UVRAG: variants seen among roughly 807,000 people sequenced by gnomAD.
The protein encoded by UVRAG is UV radiation resistance-associated gene protein.
In UVRAG, 19 loss-of-function variants were observed where a neutral mutation model predicts 78.0. The observed-to-expected ratio is 0.24, with a 90% CI of 0.17 to 0.36. The LOEUF (loss-of-function observed/expected upper bound fraction) is 0.36, where lower values mean the gene tolerates loss of function less well. Among genes scored for constraint, UVRAG ranks in the 10% least tolerant of loss-of-function variants. The pLI is 1.00. For synonymous variants in UVRAG, 323 were observed against 324.6 expected (o/e 1.00, Z 0.05); for missense variants, 740 against 853.8 (o/e 0.87, Z 1.66).
intron 12 of UVRAG, among the ~76,000 whole-genome samples, chr11:76,042,553 C>CT (rs1364653309): frequency 6.6e-6 from 1 of 152,058 alleles, no homozygotes; most frequent in Non-Finnish European, 1.5e-5. Flanking sequence ...CTACAATTGG[C>CT]TTTTTACTAA....
intron 2 of UVRAG, among the ~76,000 whole-genome samples, chr11:75,859,130 T>A (rs752405260): frequency 2.3e-4 from 35 of 152,218 alleles, no homozygotes; most frequent in Non-Finnish European, 2.4e-4. Context: ...ATCCCAGCAC[T>A]TTGGGAGGCC....
chr11:76,006,660 CAAAAAAAAAAAAAA>C (rs762221601), intron 9 of UVRAG, among the ~76,000 whole-genome samples: 58 of 62,350 alleles, frequency 9.3e-4, no homozygotes, highest in Admixed American at 1.8e-3. Flanking sequence ...GACCCCGTCT[CAAAAAAAAAAAAAA>C]AAAAAAAAAA....
intron 3 of UVRAG, among the ~76,000 whole-genome samples, chr11:75,863,168 A>G (rs551259082): frequency 6.6e-6 from 1 of 152,348 alleles, no homozygotes; most frequent in South Asian, 2.1e-4. Flanking sequence ...TCTAGGCCAG[A>G]CAGTTCCTTG....
chr11:76,011,157 C>T (rs1950043559), intron 11 of UVRAG, among the ~76,000 whole-genome samples: 1 of 152,162 alleles, frequency 6.6e-6, no homozygotes, highest in African/African-American at 2.4e-5. Flanking sequence ...AATACAGTCT[C>T]CCTACCCTTT....
chr11:75,967,676 A>G (rs952284304), intron 7 of UVRAG, among the ~76,000 whole-genome samples: 4 of 152,340 alleles, frequency 2.6e-5, no homozygotes, highest in Non-Finnish European at 5.9e-5. Context: ...AAAAGGTTTA[A>G]TTAGCATTAC....
chr11:76,114,734 T>C (rs1181832269), intron 13 of UVRAG, among the ~76,000 whole-genome samples: 1 of 152,236 alleles, frequency 6.6e-6, no homozygotes, highest in African/African-American at 2.4e-5. Flanking sequence ...AGTTGAATTC[T>C]AGAGTCAAAC....
At chr11:75,862,543 G>GT (rs142109891) in intron 3 of UVRAG, among the ~76,000 whole-genome samples, 4,890 of 152,240 alleles carry the variant, frequency 0.032, 111 homozygotes, top group Non-Finnish European at 0.045. Flanking sequence ...TGTTCCAGGT[G>GT]TACCTCTTTC....
chr11:76,129,036 A>G (rs1343559988), intron 14 of UVRAG, among the ~76,000 whole-genome samples: 4 of 152,208 alleles, frequency 2.6e-5, no homozygotes, highest in Admixed American at 2.0e-4. Flanking sequence ...AAGCACTTTG[A>G]ACATAGTATT....
chr11:75,888,503 TAGAG>T (rs1257856732), intron 4 of UVRAG, among the ~76,000 whole-genome samples: 1 of 152,226 alleles, frequency 6.6e-6, no homozygotes, highest in Non-Finnish European at 1.5e-5. Context: ...TCTTTGGGGT[TAGAG>T]AGGGTAGAAT....
chr11:75,899,608 G>A (rs975253441), intron 5 of UVRAG, among the ~76,000 whole-genome samples: 1 of 152,158 alleles, frequency 6.6e-6, no homozygotes, highest in Non-Finnish European at 1.5e-5. Flanking sequence ...TTTCTTAACC[G>A]CTATGCTGTA....
chr11:75,855,975 T>G (rs1381215130), intron 2 of UVRAG, among the ~76,000 whole-genome samples: 1 of 152,142 alleles, frequency 6.6e-6, no homozygotes, highest in African/African-American at 2.4e-5. Context: ...TTGTTAAAAT[T>G]GGAAATTTTT....
At chr11:76,009,605 A>AAAC (rs1950014075) in intron 11 of UVRAG, among the ~76,000 whole-genome samples, 1 of 152,186 alleles carries the variant, frequency 6.6e-6, no homozygotes, top group South Asian at 2.1e-4. Flanking sequence ...ACTAAAGAAG[A>AAAC]GAGCATTGCT....
In UVRAG at chr11:75,815,453, C is replaced by T. The variant is rs1021306923; in HGVS notation, c.46C>T (p.Pro16Ser). The change falls in exon 1 of 15, where the codon CCG becomes TCG. Residue 16 changes from proline to serine, a missense_variant. Coordinates refer to ENST00000356136, the MANE Select transcript of UVRAG (RefSeq NM_003369.4). Reference protein sequence around the residue: ...SVGGPVPQPPPGPAAALPPGS... With the variant: ...SVGGPVPQPPSGPAAALPPGS... ...CGGGGGCCCCGTCCCCCAGCCACCCCCGGGCCCGGCCGCTGCTCTGCCTCC... is the reference window on the plus strand; with the variant it reads ...CGGGGGCCCCGTCCCCCAGCCACCCTCGGGCCCGGCCGCTGCTCTGCCTCC... The T allele has an allele frequency of 4.8e-6, 6 of 1,248,490 alleles. No individual in the cohort carries two copies. Among genetic ancestry groups the T allele is most frequent in the Non-Finnish European group, 6.0e-6 (6 of 995,838 alleles). 77.3% of individuals were successfully genotyped at this position (1,248,490 alleles called of 1,614,324 possible).
chr11:75,820,593 G>A (rs985383999), intron 1 of UVRAG, among the ~76,000 whole-genome samples: 1 of 151,886 alleles, frequency 6.6e-6, no homozygotes, highest in Non-Finnish European at 1.5e-5. Context: ...GAGCTCAGGT[G>A]ATCCACCTGC....
In UVRAG at chr11:76,090,825, C is replaced by T. The variant is rs568448492; in HGVS notation, c.1305+25037C>T. On this transcript the variant is annotated intron_variant, in intron 13 of 14. Transcript: ENST00000356136. ...GTTAGATATACAATAAATTACATAT[C>T]GGGTATTCACACAATTTCATCTTTG... Among the ~76,000 whole-genome samples, 9 of 152,288 alleles carry T rather than the reference C, an allele frequency of 5.9e-5. No homozygotes were observed. The East Asian group carries it at 1.5e-3, about 26-fold the overall frequency.
intron 12 of UVRAG, among the ~76,000 whole-genome samples, chr11:76,027,859 A>G (rs547051488): frequency 4.1e-4 from 63 of 152,222 alleles, no homozygotes; most frequent in African/African-American, 1.4e-3. Flanking sequence ...CTTTAAGTCA[A>G]TGGTCTAAGT....
chr11:76,026,461 G>A (rs1033403482), intron 12 of UVRAG, among the ~76,000 whole-genome samples: 3 of 152,112 alleles, frequency 2.0e-5, no homozygotes, highest in African/African-American at 7.2e-5. Context: ...GCATCTGTTT[G>A]CTTTCATGGC....
intron 2 of UVRAG, among the ~76,000 whole-genome samples, chr11:75,857,497 C>CCCT (rs1555075377): frequency 4.7e-5 from 7 of 147,798 alleles, no homozygotes; most frequent in African/African-American, 1.5e-4. Flanking sequence ...TTCCCCCCCC[C>CCCT]TTTTTTTTTT....
chr11:76,089,210 T>C (rs984578342), intron 13 of UVRAG, among the ~76,000 whole-genome samples: 1 of 151,958 alleles, frequency 6.6e-6, no homozygotes, highest in African/African-American at 2.4e-5. Context: ...AGAAGTGGGG[T>C]GAGATTAAGG....
Sources: gnomAD v4.1 joint callset for allele counts (sites outside exome capture counted in the v4.1 genomes callset) on GRCh38, gnomAD v4.1.1 for gene constraint, MANE v1.5 for transcripts, NCBI Gene and HGNC (gene_info 2026-07-23, HGNC 2026-07-21) for gene names.